The following CHN2 variants were observed in gnomAD, a reference collection of about 807,000 sequenced individuals.
The protein encoded by CHN2 is chimerin 2, also known as beta-chimaerin.
In CHN2, 35 loss-of-function variants were observed where a neutral mutation model predicts 56.3. The observed-to-expected ratio is 0.62, with a 90% confidence interval of 0.47 to 0.82. The LOEUF is 0.82. Ranked by LOEUF, CHN2 falls within the 40% of genes least tolerant of loss-of-function variation. CHN2 has a pLI of 0.00. For synonymous variants in CHN2, 210 were observed against 212.8 expected, an observed-to-expected ratio of 0.99 and a Z score of 0.12; for missense variants, 491 against 580.5, an observed-to-expected ratio of 0.85 and a Z score of 1.58.
intron 6 of CHN2, among the ~76,000 whole-genome samples, chr7:29,441,779 A>C (rs1224267011): frequency 6.6e-6 from 1 of 152,214 alleles, no homozygotes; most frequent in East Asian, 1.9e-4. Flanking sequence ...AAAAAAGGAA[A>C]ATAAGTATTG....
At chr7:29,305,800 G>A (rs976274888) in intron 1 of CHN2, among the ~76,000 whole-genome samples, 8 of 74,912 alleles carry the variant, frequency 1.1e-4, no homozygotes, top group African/African-American at 2.1e-4. Flanking sequence ...CCATCCTCCC[G>A]TTCCTTCCTC....
chr7:29,376,046 C>T (rs867818567), intron 3 of CHN2, among the ~76,000 whole-genome samples: 18 of 152,160 alleles, frequency 1.2e-4, no homozygotes, highest in Admixed American at 3.9e-4. Flanking sequence ...CTCCTACTGG[C>T]GTGTGGCCTG....
chr7:29,425,628 C>G (rs117915225), intron 6 of CHN2, among the ~76,000 whole-genome samples: 2,921 of 152,212 alleles, frequency 0.019, 42 homozygotes, highest in Non-Finnish European at 0.03. Flanking sequence ...GTGGGGTATT[C>G]GGGTAGGTGT....
intron 1 of CHN2, among the ~76,000 whole-genome samples, chr7:29,354,367 G>T (rs556751152): frequency 7.9e-5 from 12 of 152,212 alleles, no homozygotes; most frequent in Admixed American, 4.6e-4. Context: ...AATCTTTTTT[G>T]ATTTACTGGG....
chr7:29,293,055 T>G, intron 1 of CHN2: 1 of 455,242 alleles, frequency 2.2e-6, no homozygotes, highest in South Asian at 1.6e-5. Flanking sequence ...CATGCCCCAC[T>G]CCCCGCTTCC....
chr7:29,184,039 T>C (rs1160641069), intron 2 of CHN2, among the ~76,000 whole-genome samples: 1 of 152,018 alleles, frequency 6.6e-6, no homozygotes, highest in Non-Finnish European at 1.5e-5. Context: ...TACTACACTA[T>C]TTTATATAAG....
chr7:29,337,189 A>G (rs766769173), intron 1 of CHN2, among the ~76,000 whole-genome samples: 6 of 152,214 alleles, frequency 3.9e-5, no homozygotes, highest in Admixed American at 6.5e-5. Context: ...ATGATCTTTT[A>G]TAAAGGCACA....
At chr7:29,434,621 G>A (rs752951044) in intron 6 of CHN2, among the ~76,000 whole-genome samples, 3 of 152,092 alleles carry the variant, frequency 2.0e-5, no homozygotes, top group Non-Finnish European at 4.4e-5. Flanking sequence ...CATTGGATTA[G>A]GGCCTATCTT....
intron 1 of CHN2, among the ~76,000 whole-genome samples, chr7:29,216,637 G>A (rs1785367100): frequency 6.6e-6 from 1 of 152,132 alleles, no homozygotes; most frequent in Non-Finnish European, 1.5e-5. Context: ...GTCTGTGTTG[G>A]TTTCAGATAA....
intron 2 of CHN2, among the ~76,000 whole-genome samples, chr7:29,148,129 T>A (rs1793029060): frequency 6.6e-6 from 1 of 152,184 alleles, no homozygotes; most frequent in Admixed American, 6.5e-5. Context: ...CAGATAACAC[T>A]GCTGCTGGCG....
chr7:29,240,267 C>T (rs1787549105), intron 1 of CHN2, among the ~76,000 whole-genome samples: 1 of 152,198 alleles, frequency 6.6e-6, no homozygotes, highest in African/African-American at 2.4e-5. Context: ...AGGTGCCTTC[C>T]CCGGGAACTA....
At chr7:29,195,627 A>AGG (rs1304546305) in intron 1 of CHN2, among the ~76,000 whole-genome samples, 196 of 116,802 alleles carry the variant, frequency 1.7e-3, no homozygotes, top group African/African-American at 7.4e-3. Context: ...AGAGAGAGAG[A>AGG]GAGTGTGTGT....
At chr7:29,398,338 G>T (rs1801931427) in intron 4 of CHN2, 35 bp from the exon 5 acceptor site, 4 of 1,465,616 alleles carry the variant, frequency 2.7e-6, no homozygotes, top group South Asian at 1.1e-5. Context: ...TCTGTATGTG[G>T]TCTGTTCAGA....
At chr7:29,447,655 T>C (rs1326431830) in intron 6 of CHN2, among the ~76,000 whole-genome samples, 1 of 151,856 alleles carries the variant, frequency 6.6e-6, no homozygotes, top group East Asian at 1.9e-4. Context: ...AAACCAGTGG[T>C]AGGAGGGAGG....
At chr7:29,155,931 T>C (rs1794308416) in intron 2 of CHN2, among the ~76,000 whole-genome samples, 2 of 152,290 alleles carry the variant, frequency 1.3e-5, no homozygotes, top group Non-Finnish European at 2.9e-5. Flanking sequence ...AGCCGATAGA[T>C]CTAGAGACGG....
chr7:29,202,198 A>C (rs894779151), intron 1 of CHN2, among the ~76,000 whole-genome samples: 9 of 152,186 alleles, frequency 5.9e-5, no homozygotes, highest in Non-Finnish European at 1.0e-4. Flanking sequence ...GTGTGGACTG[A>C]GGTTGCTAGT....
chr7:29,431,706 G>A (rs781246672), intron 6 of CHN2, among the ~76,000 whole-genome samples: 1 of 152,162 alleles, frequency 6.6e-6, no homozygotes, highest in Non-Finnish European at 1.5e-5. Context: ...ATTTCACCAG[G>A]CCAACAGTCA....
chr7:29,378,449 G>A (rs964658848), intron 3 of CHN2, among the ~76,000 whole-genome samples: 7 of 152,172 alleles, frequency 4.6e-5, no homozygotes, highest in East Asian at 3.9e-4. Flanking sequence ...TAGCATAGGC[G>A]TTGGTCAGCT....
rs1487725804 is a variant in CHN2 at position 29,331,217 on chromosome 7, A to C, written c.50-23408A>C. 2.6e-5 allele frequency among the ~76,000 whole-genome samples: 4 copies of C among 152,222 alleles called. No individual in the cohort carries two copies. The East Asian group carries it at 7.7e-4, about 29-fold the overall frequency. ...AAGGCCCTGTGGGGACAGAAGGCAC[A>C]CTCAGCTGGGATGTTGAAGAGCAGT... On this transcript the variant is annotated intron_variant, in intron 1 of 12. Coordinates refer to ENST00000222792, the MANE Select transcript of CHN2 (RefSeq NM_004067.4).
Sources: allele counts gnomAD v4.1 joint callset (sites outside exome capture counted in the v4.1 genomes callset), GRCh38; gene constraint gnomAD v4.1.1; transcripts MANE v1.5; gene names NCBI Gene and HGNC (gene_info 2026-07-23, HGNC 2026-07-21).